Variants in PPHLN1 observed in about 807,000 individuals in gnomAD.
PPHLN1 encodes the protein periphilin-1.
PPHLN1 carries 29 observed loss-of-function variants against 51.3 expected under a neutral mutation model. The ratio of observed to expected loss-of-function variants is 0.57; its 90% confidence interval spans 0.42 to 0.77. The LOEUF (loss-of-function observed/expected upper bound fraction) is 0.77. PPHLN1 is among the 30% of genes least tolerant of loss of function. The pLI, the probability that PPHLN1 is intolerant of heterozygous loss-of-function variation, is 0.00. For synonymous variants in PPHLN1, 147 were observed against 147.8 expected (o/e 0.99, Z 0.04); for missense variants, 436 against 438.4 (o/e 0.99, Z 0.05).
At position 42,335,957 on chromosome 12, in the gene PPHLN1, C is replaced by G. The variant is rs866592813; in HGVS notation, c.55C>G (p.Pro19Ala). ...AAGAATTCCGAGAGAACGAGCACCT[C>G]CTCGAAGTCATCCCAGTGTAAGTTA... is the stretch of plus-strand genomic sequence containing the variant. ...YERIPRERAP[P>A]RSHPSDGYNR... is the part of the protein sequence containing the mutation. Residue 19 changes from proline to alanine, a missense_variant, in exon 2 of 10, where the codon CCT becomes GCT. Physicochemically the swap from Pro to Ala is conservative, Grantham distance 27. Transcript: ENST00000358314. 6.3e-7 allele frequency: 1 copy of G among 1,583,220 alleles called. No homozygotes were observed. Among genetic ancestry groups the G allele is most frequent in the Non-Finnish European group, 8.6e-7 (1 of 1,162,770 alleles).
At chr12:42,353,224 T>C (rs547232446) in intron 3 of PPHLN1, among the ~76,000 whole-genome samples, 1 of 152,372 alleles carries the variant, frequency 6.6e-6, no homozygotes, top group South Asian at 2.1e-4. Flanking sequence ...ATGGAATTCC[T>C]CTGTCCTACC....
chr12:42,432,330 G>A, intron 9 of PPHLN1: 1 of 741,644 alleles, frequency 1.3e-6, no homozygotes, highest in Non-Finnish European at 2.5e-6. Context: ...TTAATCTGTA[G>A]GCATTCCATT....
intron 2 of PPHLN1, among the ~76,000 whole-genome samples, chr12:42,342,823 A>G (rs1181418886): frequency 6.6e-6 from 1 of 152,230 alleles, no homozygotes; most frequent in African/African-American, 2.4e-5. Flanking sequence ...TTTTTCTGTC[A>G]CATTTGTGGT....
chr12:42,345,480 T>C (rs2072172850), intron 2 of PPHLN1, among the ~76,000 whole-genome samples: 1 of 151,970 alleles, frequency 6.6e-6, no homozygotes, highest in Non-Finnish European at 1.5e-5. Flanking sequence ...ATACCATTAA[T>C]ACTAACACCA....
intron 5 of PPHLN1, among the ~76,000 whole-genome samples, chr12:42,378,312 A>G (rs1045041341): frequency 6.6e-6 from 1 of 152,112 alleles, no homozygotes; most frequent in East Asian, 1.9e-4. Flanking sequence ...TAATCTTGCA[A>G]AAAAGTGAAT....
chr12:42,344,164 T>C lies in PPHLN1; in HGVS notation c.73-7721T>C, dbSNP rs2071915925. Among the ~76,000 whole-genome samples, 9 of 152,324 alleles carry C rather than the reference T, an allele frequency of 5.9e-5. No individual in the cohort carries two copies. The South Asian group carries it at 1.9e-3, about 32-fold the overall frequency. On this transcript the variant is annotated intron_variant, in intron 2 of 9. Transcript: ENST00000358314. ...GTGTGCCAGGTGCTGTTCTAGGTGC[T>C]GGGAATAGAGCAGTAAATAAGACCA...
intron 9 of PPHLN1, chr12:42,433,085 A>G (rs1009330815): frequency 2.5e-6 from 2 of 795,742 alleles, no homozygotes; most frequent in African/African-American, 3.4e-5. Context: ...TTTTATTTTT[A>G]TTGACAGGCC....
At chr12:42,357,229 CCAGT>C (rs894948852) in intron 4 of PPHLN1, among the ~76,000 whole-genome samples, 1 of 151,374 alleles carries the variant, frequency 6.6e-6, no homozygotes, top group African/African-American at 2.4e-5. Context: ...CAATTTGGTT[CCAGT>C]CAAAGATCAA....
chr12:42,397,717 A>G (rs1344836491), intron 8 of PPHLN1, among the ~76,000 whole-genome samples: 2 of 151,952 alleles, frequency 1.3e-5, no homozygotes, highest in East Asian at 1.9e-4. Flanking sequence ...ATGTAACTCA[A>G]ACTTCTTTAA....
At chr12:42,357,068 C>A (rs988242897) in intron 4 of PPHLN1, among the ~76,000 whole-genome samples, 2 of 152,030 alleles carry the variant, frequency 1.3e-5, no homozygotes, top group South Asian at 2.1e-4. Context: ...AATAAACTCA[C>A]CAAAAGAGTA....
chr12:42,430,539 G>C (rs2139843140), intron 9 of PPHLN1, among the ~76,000 whole-genome samples: 1 of 152,016 alleles, frequency 6.6e-6, no homozygotes, highest in Admixed American at 6.6e-5. Context: ...ACCCAGGCTG[G>C]CGTGTAGAGT....
chr12:42,388,728 C>G (rs757406403), intron 7 of PPHLN1, among the ~76,000 whole-genome samples: 1 of 152,186 alleles, frequency 6.6e-6, no homozygotes, highest in African/African-American at 2.4e-5. Flanking sequence ...GGGAGAATTG[C>G]TTGAGGCCAG....
chr12:42,328,310 A>G (rs2069123281), intron 1 of PPHLN1, among the ~76,000 whole-genome samples: 1 of 152,242 alleles, frequency 6.6e-6, no homozygotes, highest in Non-Finnish European at 1.5e-5. Flanking sequence ...TAGATATAAT[A>G]GAAGGAGGCA....
rs117287702 is a variant in PPHLN1 at position 42,357,182 on chromosome 12, T to C, written c.299+1960T>C. Among the ~76,000 whole-genome samples, 577 of 152,312 alleles carry C rather than the reference T, an allele frequency of 3.8e-3. 5 individuals carry two copies. Among genetic ancestry groups the C allele is most frequent in the South Asian group, 9.1e-3 (44 of 4,826 alleles). On this transcript the variant is annotated intron_variant, in intron 4 of 9. Transcript: ENST00000358314. Reference sequence around the variant, plus strand: ...CCTTAGCGAGGAAGACTCAGTATCATATAAGTGTCAGTTCTCCTCAAATTA... The same window carrying C: ...CCTTAGCGAGGAAGACTCAGTATCACATAAGTGTCAGTTCTCCTCAAATTA...
intron 9 of PPHLN1, among the ~76,000 whole-genome samples, chr12:42,423,618 A>C (rs919699652): frequency 3.9e-5 from 6 of 152,186 alleles, no homozygotes; most frequent in African/African-American, 1.4e-4. Context: ...TAGAAGTAGC[A>C]ATAGCTATAT....
At chr12:42,427,369 T>C (rs970664914) in intron 9 of PPHLN1, among the ~76,000 whole-genome samples, 1 of 152,176 alleles carries the variant, frequency 6.6e-6, no homozygotes. Context: ...TTTCAAACTA[T>C]ACTGTAAGGC....
intron 5 of PPHLN1, chr12:42,375,365 G>C (rs2076176942): frequency 4.9e-6 from 1 of 202,984 alleles, no homozygotes. Context: ...AGGCTGGAGT[G>C]TAGTGGCACG....
downstream of PPHLN1, chr12:42,444,830 C>T: frequency 3.7e-6 from 2 of 534,616 alleles, no homozygotes; most frequent in African/African-American, 1.9e-5. Context: ...AGGTAGTTTC[C>T]TCCCCCATAC....
intron 2 of PPHLN1, among the ~76,000 whole-genome samples, chr12:42,338,363 G>T (rs149554330): frequency 6.6e-6 from 1 of 152,160 alleles, no homozygotes; most frequent in Admixed American, 6.5e-5. Context: ...TTATTGTATC[G>T]ATTTAAGATT....
Sources: gnomAD v4.1 joint callset for allele counts (sites outside exome capture counted in the v4.1 genomes callset) on GRCh38, gnomAD v4.1.1 for gene constraint, MANE v1.5 for transcripts, NCBI Gene and HGNC (gene_info 2026-07-23, HGNC 2026-07-21) for gene names.